Variants in ZC3H12B observed in about 807,000 individuals in gnomAD.
ZC3H12B encodes the protein zinc finger CCCH-type containing 12B, also known as probable ribonuclease ZC3H12B.
Under a neutral mutation model 43.9 loss-of-function variants are expected in ZC3H12B, and 7 were observed. That is an observed-to-expected ratio of 0.16 (90% CI 0.09 to 0.30). The LOEUF is 0.30. Among genes scored for constraint, ZC3H12B ranks in the 10% least tolerant of loss-of-function variants. ZC3H12B has a pLI of 1.00. For missense variants in ZC3H12B, 475 were observed against 670.2 expected (o/e 0.71, Z 3.22); for synonymous variants, 222 against 241.7 (o/e 0.92, Z 0.76).
chrX:65,096,008 C>T, the ZC3H12B span, among the ~76,000 whole-genome samples: 1 of 109,794 alleles, frequency 9.1e-6, no homozygotes. Flanking sequence ...TATTAAAAGA[C>T]AAAAAAAATA....
the ZC3H12B span, among the ~76,000 whole-genome samples, chrX:65,223,733 A>T: frequency 8.9e-6 from 1 of 112,351 alleles, no homozygotes; most frequent in East Asian, 2.8e-4. Flanking sequence ...CAACATCACT[A>T]ATGATCAGGG....
chrX:65,149,741 G>A, the ZC3H12B span, among the ~76,000 whole-genome samples: 1 of 103,614 alleles, frequency 9.7e-6, no homozygotes, highest in Non-Finnish European at 2.0e-5. Flanking sequence ...TGCAGCCTGG[G>A]CCACAGAGTG....
chrX:65,280,800 A>T, the ZC3H12B span, among the ~76,000 whole-genome samples: 1 of 112,007 alleles, frequency 8.9e-6, no homozygotes, highest in Admixed American at 9.5e-5. Context: ...CTACCAAAAA[A>T]ATAAAATACC....
chrX:65,458,566 C>T (rs775483465), intron 3 of ZC3H12B, among the ~76,000 whole-genome samples: 3 of 111,935 alleles, frequency 2.7e-5, no homozygotes, highest in Non-Finnish European at 5.6e-5. Context: ...CACTCAAAAC[C>T]GCTCAACTAT....
the ZC3H12B span, among the ~76,000 whole-genome samples, chrX:65,135,750 CTTTTTTTTTTT>C: frequency 7.2e-5 from 5 of 69,892 alleles, no homozygotes; most frequent in African/African-American, 2.3e-4. Context: ...TGTTTGTTTT[CTTTTTTTTTTT>C]TTTTTGAGTA....
At chrX:65,423,969 T>A (rs779369712) in intron 3 of ZC3H12B, among the ~76,000 whole-genome samples, 12 of 112,284 alleles carry the variant, frequency 1.1e-4, no homozygotes, top group Non-Finnish European at 2.3e-4. Context: ...TGTTGAGTAT[T>A]TTTAGTATGA....
At chrX:65,186,953 G>T in the ZC3H12B span, among the ~76,000 whole-genome samples, 1 of 111,686 alleles carries the variant, frequency 9.0e-6, no homozygotes, top group Non-Finnish European at 1.9e-5. Context: ...ATTTGGGCTG[G>T]TTCCATATTT....
chrX:65,227,835 A>T, the ZC3H12B span, among the ~76,000 whole-genome samples: 2 of 111,757 alleles, frequency 1.8e-5, no homozygotes, highest in South Asian at 3.7e-4. Context: ...TAAACCAGGA[A>T]GAAGTTGAAT....
the ZC3H12B span, among the ~76,000 whole-genome samples, chrX:65,177,104 G>A: frequency 3.6e-5 from 4 of 111,855 alleles, no homozygotes; most frequent in African/African-American, 1.3e-4. Context: ...TTTATTGCTG[G>A]GACACAAGGA....
At chrX:65,071,587 AATG>A in the ZC3H12B span, among the ~76,000 whole-genome samples, 1 of 111,520 alleles carries the variant, frequency 9.0e-6, no homozygotes, top group Non-Finnish European at 1.9e-5. Context: ...AGTGGCTTGT[AATG>A]ATCTTTCTTT....
the ZC3H12B span, among the ~76,000 whole-genome samples, chrX:65,347,285 G>T: frequency 3.6e-5 from 4 of 111,207 alleles, no homozygotes; most frequent in Non-Finnish European, 7.5e-5. Flanking sequence ...CCATCCGAAG[G>T]TCACCAACAT....
intron 3 of ZC3H12B, among the ~76,000 whole-genome samples, chrX:65,411,517 C>T (rs936082028): frequency 1.8e-5 from 2 of 110,698 alleles, no homozygotes; most frequent in Non-Finnish European, 3.8e-5. Flanking sequence ...CATGAGGTCA[C>T]GAGTTCGAGA....
chrX:65,090,087 A>T, the ZC3H12B span, among the ~76,000 whole-genome samples: 1 of 112,458 alleles, frequency 8.9e-6, no homozygotes, highest in Non-Finnish European at 1.9e-5. Flanking sequence ...GTCATTTATT[A>T]TTATCAAGTA....
At chrX:65,156,583 G>A in the ZC3H12B span, among the ~76,000 whole-genome samples, 2 of 111,313 alleles carry the variant, frequency 1.8e-5, no homozygotes, top group African/African-American at 3.3e-5. Context: ...GTTTCACCAT[G>A]TTGGCCAGGC....
At chrX:65,089,316 G>GT in the ZC3H12B span, among the ~76,000 whole-genome samples, 2 of 111,829 alleles carry the variant, frequency 1.8e-5, no homozygotes, top group African/African-American at 6.5e-5. Flanking sequence ...TGTACAGCAT[G>GT]TTACTGTTCT....
chrX:65,489,138 G>C (rs1304790060), exon 1 of ZC3H12B: 1 of 1,211,857 alleles, frequency 8.3e-7, no homozygotes, highest in Non-Finnish European at 1.1e-6. Context: ...AGCTAAGATG[G>C]AGTTTGCGCT....
chrX:65,120,552 A>C, the ZC3H12B span, among the ~76,000 whole-genome samples: 1 of 111,650 alleles, frequency 9.0e-6, no homozygotes, highest in South Asian at 3.7e-4. Flanking sequence ...TTTTAGGCTG[A>C]GACGATGGGG....
chrX:65,199,793 T>C, the ZC3H12B span, among the ~76,000 whole-genome samples: 1 of 105,839 alleles, frequency 9.4e-6, no homozygotes, highest in Non-Finnish European at 1.9e-5. Context: ...TTTTTTTTTT[T>C]GTAGCTGCAG....
At chrX:65,432,999 G>A (rs2067181453) in intron 3 of ZC3H12B, among the ~76,000 whole-genome samples, 1 of 112,395 alleles carries the variant, frequency 8.9e-6, no homozygotes, top group Non-Finnish European at 1.9e-5. Flanking sequence ...AAGTAGAACA[G>A]TAGAGTTGTA....
Sources: allele counts gnomAD v4.1 joint callset (sites outside exome capture counted in the v4.1 genomes callset), GRCh38; gene constraint gnomAD v4.1.1; transcripts MANE v1.5; gene names NCBI Gene and HGNC (gene_info 2026-07-23, HGNC 2026-07-21).